ABCA1: variants seen among roughly 807,000 people sequenced by gnomAD.
ABCA1 encodes phospholipid-transporting ATPase ABCA1.
ABCA1 carries 133 observed loss-of-function variants against 262.5 expected under a neutral mutation model. That is an observed-to-expected ratio of 0.51 (90% CI 0.44 to 0.59). The LOEUF (loss-of-function observed/expected upper bound fraction) is 0.59. Ranked by LOEUF, ABCA1 falls within the 20% of genes least tolerant of loss-of-function variation. ABCA1 has a pLI of 0.00. For synonymous variants in ABCA1, 1,022 were observed against 1,043.5 expected (o/e 0.98, Z 0.40); for missense variants, 2,452 against 2,777.5 (o/e 0.88, Z 2.63).
chr9:104,850,396 G>A (rs937589219), intron 7 of ABCA1, among the ~76,000 whole-genome samples: 1 of 152,132 alleles, frequency 6.6e-6, no homozygotes, highest in African/African-American at 2.4e-5. Flanking sequence ...TGCTGGGATT[G>A]CAGGCGTGAG....
chr9:104,855,094 C>T, intron 7 of ABCA1: 1 of 942,872 alleles, frequency 1.1e-6, no homozygotes, highest in Non-Finnish European at 1.3e-6. Flanking sequence ...GGTGAAAAGT[C>T]TTGACAATAT....
At position 104,840,397 on chromosome 9, in the gene ABCA1, G is replaced by T. The variant is rs2274873; in HGVS notation, c.936C>A (p.Pro312=). 6.2e-7 allele frequency: 1 copy of T among 1,614,036 alleles called. No individual in the cohort carries two copies. ...QAVSRIVCGH[P]EGGGLKIKSL... ...ACTTGATCTTCAGCCCCCCTCCCTCGGGATGCCCGCAGACAATACGAGACA... is the reference window on the plus strand; with the variant it reads ...ACTTGATCTTCAGCCCCCCTCCCTCTGGATGCCCGCAGACAATACGAGACA... Residue 312 remains proline, a synonymous_variant, in exon 9 of 50, where the codon CCC becomes CCA. Coordinates refer to ENST00000374736, the MANE Select transcript of ABCA1 (RefSeq NM_005502.4).
chr9:104,866,446 A>C (rs947342098), intron 5 of ABCA1, among the ~76,000 whole-genome samples: 9 of 150,788 alleles, frequency 6.0e-5, no homozygotes, highest in Non-Finnish European at 1.2e-4. Flanking sequence ...TGGCCTTCCC[A>C]TCCTCAAGCT....
At chr9:104,910,265 T>C (rs1841413712) in intron 1 of ABCA1, among the ~76,000 whole-genome samples, 2 of 152,070 alleles carry the variant, frequency 1.3e-5, no homozygotes, top group African/African-American at 2.4e-5. Context: ...GTAGATAAAA[T>C]CTCTTGGAAT....
intron 8 of ABCA1, among the ~76,000 whole-genome samples, chr9:104,843,198 G>A (rs1834541281): frequency 6.6e-6 from 1 of 152,116 alleles, no homozygotes; most frequent in Admixed American, 6.5e-5. Flanking sequence ...GTTTGTTTCT[G>A]TCTCTCACCC....
At chr9:104,927,321 TCAAA>T (rs966098109) in intron 1 of ABCA1, among the ~76,000 whole-genome samples, 14 of 151,454 alleles carry the variant, frequency 9.2e-5, no homozygotes, top group East Asian at 1.9e-4. Flanking sequence ...ACCCCTCAGG[TCAAA>T]CAAAGACCCA....
intron 1 of ABCA1, among the ~76,000 whole-genome samples, chr9:104,918,416 AG>A (rs1418556881): frequency 4.6e-5 from 7 of 152,214 alleles, no homozygotes; most frequent in Admixed American, 6.5e-5. Context: ...AGTGGGTCAC[AG>A]TCTTATTTCA....
At chr9:104,818,489 G>A (rs1265913177) in intron 23 of ABCA1, among the ~76,000 whole-genome samples, 174 bp downstream of exon 23, 3 of 152,192 alleles carry the variant, frequency 2.0e-5, no homozygotes, top group African/African-American at 4.8e-5. Context: ...AATGGGAGCA[G>A]AGGGCCCCTT....
intron 25 of ABCA1, among the ~76,000 whole-genome samples, chr9:104,814,852 G>A (rs1184563544): frequency 6.6e-6 from 1 of 152,150 alleles, no homozygotes; most frequent in Non-Finnish European, 1.5e-5. Context: ...AAAATTAGCT[G>A]GGCGTGGTAG....
rs148945839 is a variant in ABCA1, at chr9:104,861,685, G to T, written c.537C>A (p.Leu179=). 6.2e-7 allele frequency: 1 copy of T among 1,614,018 alleles called. No individual in the cohort carries two copies. The highest frequency in any genetic ancestry group is 1.3e-5 in the African/African-American group (1 of 74,898). Reference sequence around the variant, plus strand: ...GCTGGAGGCATCAGCTTACCTTGTGGAGAATGACATCAGCCCTCAGCATCT... The same window carrying T: ...GCTGGAGGCATCAGCTTACCTTGTGTAGAATGACATCAGCCCTCAGCATCT... The part of the protein sequence containing the change: ...VDKMLRADVI[L]HKVFLQGYQL... The change falls in exon 6 of 50, where the codon CTC becomes CTA. Residue 179 remains leucine, a synonymous_variant. Transcript: ENST00000374736.
At chr9:104,832,409 T>G (rs1833423444) in intron 12 of ABCA1, among the ~76,000 whole-genome samples, 165 bp downstream of exon 12, 1 of 152,220 alleles carries the variant, frequency 6.6e-6, no homozygotes. Context: ...AACTAACATT[T>G]ATTAAGTGCC....
intron 8 of ABCA1, among the ~76,000 whole-genome samples, chr9:104,844,961 A>C (rs1249882410): frequency 6.6e-6 from 1 of 152,242 alleles, no homozygotes; most frequent in Non-Finnish European, 1.5e-5. Context: ...CCTAAAAGGC[A>C]AACTCAACTT....
rs2066718 is a variant in ABCA1, at chr9:104,826,974, C to T, written c.2311G>A (p.Val771Met). The change falls in exon 16 of 50, where the codon GTG becomes ATG. Residue 771 changes from valine (V) to methionine (M), a missense_variant. Coordinates refer to ENST00000374736, the MANE Select transcript of ABCA1 (RefSeq NM_005502.4). ...GCGAAGATCTTGAGTGTGAAGCCCA[C>T]GTAGTCCTGCCATGCCACACACAGG... ...YVLCVAWQDY[V>M]GFTLKIFASL... 0.039 allele frequency: 63,556 copies of T among 1,613,990 alleles called. 1,908 individuals carry two copies. The highest frequency in any genetic ancestry group is 0.13 in the Admixed American group (7,736 of 60,020).
intron 21 of ABCA1, 28 bp from the exon 22 acceptor site, chr9:104,819,751 C>G: frequency 6.2e-7 from 1 of 1,614,076 alleles, no homozygotes. Flanking sequence ...AAGACAAACT[C>G]CAGGACCAGC....
At chr9:104,864,303 G>A (rs920655640) in intron 5 of ABCA1, among the ~76,000 whole-genome samples, 3 of 152,102 alleles carry the variant, frequency 2.0e-5, no homozygotes, top group Non-Finnish European at 2.9e-5. Context: ...CCATCCCCAG[G>A]CCACACCCCA....
At chr9:104,791,105 A>C in intron 43 of ABCA1, 77 bp from the exon 44 acceptor site, 6 of 954,552 alleles carry the variant, frequency 6.3e-6, no homozygotes, top group African/African-American at 1.6e-5. Context: ...TAACTACCTC[A>C]AACCTTCAAT....
At chr9:104,863,054 C>T (rs908901886) in intron 5 of ABCA1, among the ~76,000 whole-genome samples, 6 of 151,938 alleles carry the variant, frequency 3.9e-5, no homozygotes, top group African/African-American at 1.5e-4. Context: ...ATAATAGGCC[C>T]TCTGAGTACA....
Position 104,827,099 on chromosome 9 carries a change from G to A in ABCA1, c.2186C>T (p.Thr729Ile). 1 of 1,614,188 alleles carries A rather than the reference G, an allele frequency of 6.2e-7. No individual in the cohort carries two copies. The highest frequency in any genetic ancestry group is 8.5e-7 in the Non-Finnish European group (1 of 1,180,042). ...GCTAATCAGGAAGCACTGCAGGATT[G>A]TCACCACAGCAAACACGGACAGGAA... The part of the protein sequence containing the change: ...FVFLSVFAVV[T>I]ILQCFLISTL... The change falls in exon 16 of 50, where the codon ACA becomes ATA. Residue 729 changes from threonine to isoleucine, a missense_variant. Physicochemically the swap from Thr to Ile is moderately conservative, Grantham distance 89 (BLOSUM62 -1). Coordinates refer to ENST00000374736, the MANE Select transcript of ABCA1 (RefSeq NM_005502.4).
chr9:104,926,047 T>C (rs1482321876), intron 1 of ABCA1, among the ~76,000 whole-genome samples: 1 of 151,962 alleles, frequency 6.6e-6, no homozygotes, highest in African/African-American at 2.4e-5. Context: ...TCAAGAAAAT[T>C]CCACTCTTTA....
Sources: gnomAD v4.1 joint callset for allele counts (sites outside exome capture counted in the v4.1 genomes callset) on GRCh38, gnomAD v4.1.1 for gene constraint, MANE v1.5 for transcripts, NCBI Gene and HGNC (gene_info 2026-07-23, HGNC 2026-07-21) for gene names.